Variants in KCNB2 observed in about 807,000 individuals in gnomAD.
KCNB2 encodes the protein potassium voltage-gated channel subfamily B member 2, also known as delayed rectifier potassium channel protein.
In KCNB2, 15 loss-of-function variants were observed where a neutral mutation model predicts 61.5. The ratio of observed to expected loss-of-function variants is 0.24; its 90% CI spans 0.16 to 0.38. KCNB2 has a LOEUF of 0.38. Among genes scored for constraint, KCNB2 ranks in the 10% least tolerant of loss-of-function variants. The pLI, the probability that KCNB2 is intolerant of heterozygous loss-of-function variation, is 1.00. For synonymous variants in KCNB2, 457 were observed against 446.0 expected, an observed-to-expected ratio of 1.02 and a Z score of -0.31; for missense variants, 828 against 1,125.2, an observed-to-expected ratio of 0.74 and a Z score of 3.78.
chr8:72,632,853 T>C (rs1805901909), intron 2 of KCNB2, among the ~76,000 whole-genome samples: 1 of 152,218 alleles, frequency 6.6e-6, no homozygotes, highest in African/African-American at 2.4e-5. Flanking sequence ...TTGTTAAACA[T>C]AACTTCCATG....
intron 1 of KCNB2, among the ~76,000 whole-genome samples, chr8:72,561,521 C>T (rs1287277852): frequency 1.3e-5 from 2 of 150,442 alleles, no homozygotes; most frequent in Non-Finnish European, 3.0e-5. Context: ...ATGTCACCTT[C>T]CACTTTCTAA....
At chr8:72,614,502 C>A (rs1805588626) in intron 2 of KCNB2, among the ~76,000 whole-genome samples, 1 of 152,124 alleles carries the variant, frequency 6.6e-6, no homozygotes, top group Non-Finnish European at 1.5e-5. Flanking sequence ...ATTGTTCTTA[C>A]AGTAAAATGA....
At chr8:72,796,758 CA>C (rs1292300114) in intron 2 of KCNB2, among the ~76,000 whole-genome samples, 1 of 152,104 alleles carries the variant, frequency 6.6e-6, no homozygotes, top group Non-Finnish European at 1.5e-5. Context: ...ATAAGCCAAA[CA>C]AATATTTTCG....
Position 72,936,021 on chromosome 8 carries a change from C to G in KCNB2, c.666C>G (p.Asp222Glu). The G allele has an allele frequency of 6.2e-7, 1 of 1,614,158 alleles. No individual in the cohort carries two copies. Among genetic ancestry groups the G allele is most frequent in the Non-Finnish European group, 8.5e-7 (1 of 1,180,026 alleles). The change falls in exon 3 of 3, where the codon GAC (aspartate) becomes GAG (glutamate). Residue 222 changes from aspartate (D) to glutamate (E), a missense_variant. Around this residue, in one of 4 missense-constraint regions of KCNB2, gnomAD observed 163 missense variants for 314.4 expected, o/e 0.52. Transcript: ENST00000523207. The surrounding 1 kb of genome is among the most constrained non-coding windows in gnomAD (Gnocchi z 5.6). ...CGCTGCCGGAGCTGCAGGAAACGGACGAATTTGGACAACTCAATGACAACC... is the reference window on the plus strand; with the variant it reads ...CGCTGCCGGAGCTGCAGGAAACGGAGGAATTTGGACAACTCAATGACAACC... ...LNTLPELQET[D>E]EFGQLNDNRQ... is the part of the protein sequence containing the mutation.
At position 72,616,167 on chromosome 8, in the gene KCNB2, T is replaced by C. The variant is rs187726365; in HGVS notation, c.579+47854T>C. Among the ~76,000 whole-genome samples the C allele has an allele frequency of 1.3e-3, 191 of 152,334 alleles. 2 individuals carry two copies. Among genetic ancestry groups the C allele is most frequent in the Non-Finnish European group, 9.1e-4 (62 of 68,022 alleles). ...GAAGGATTCCTTTTGAGTTTGCACA[T>C]TTTGTTGAAATTAAGTGGAGGGCCT... is the stretch of plus-strand genomic sequence containing the variant. On this transcript the variant is annotated intron_variant, in intron 2 of 2. Coordinates refer to ENST00000523207, the MANE Select transcript of KCNB2 (RefSeq NM_004770.3).
At chr8:72,599,493 A>C (rs1807255052) in intron 2 of KCNB2, among the ~76,000 whole-genome samples, 1 of 152,170 alleles carries the variant, frequency 6.6e-6, no homozygotes, top group Admixed American at 6.5e-5. Flanking sequence ...AACCATAAAA[A>C]CCCTAGAAGA....
chr8:72,725,018 T>C (rs1807609159), intron 2 of KCNB2, among the ~76,000 whole-genome samples: 1 of 152,174 alleles, frequency 6.6e-6, no homozygotes, highest in Non-Finnish European at 1.5e-5. Context: ...CACAAAATTG[T>C]TTTAAGGTTT....
At chr8:72,538,451 A>T (rs916841489) in intron 1 of KCNB2, among the ~76,000 whole-genome samples, 1 of 152,118 alleles carries the variant, frequency 6.6e-6, no homozygotes, top group African/African-American at 2.4e-5. Flanking sequence ...TTGCCTCATC[A>T]TTTGCTCCCG....
chr8:72,773,467 T>G (rs1052933166), intron 2 of KCNB2, among the ~76,000 whole-genome samples: 6 of 152,154 alleles, frequency 3.9e-5, no homozygotes, highest in African/African-American at 1.4e-4. Flanking sequence ...TGACTCAAAT[T>G]TGACCATTCA....
intron 2 of KCNB2, among the ~76,000 whole-genome samples, chr8:72,628,049 G>C (rs547964214): frequency 6.6e-6 from 1 of 152,178 alleles, no homozygotes; most frequent in African/African-American, 2.4e-5. Context: ...CACCTCCCAG[G>C]TTCAAACGAT....
intron 2 of KCNB2, among the ~76,000 whole-genome samples, chr8:72,707,660 A>G (rs1369977690): frequency 6.6e-6 from 1 of 152,152 alleles, no homozygotes; most frequent in Non-Finnish European, 1.5e-5. Flanking sequence ...GAACTCAAAA[A>G]CGAAAAGTGG....
chr8:72,836,930 A>G (rs2129002293), intron 2 of KCNB2, among the ~76,000 whole-genome samples: 1 of 152,326 alleles, frequency 6.6e-6, no homozygotes, highest in African/African-American at 2.4e-5. Context: ...ACAAACAAAC[A>G]AAATATTATC....
At chr8:72,765,044 G>C (rs1462191907) in intron 2 of KCNB2, among the ~76,000 whole-genome samples, 1 of 152,190 alleles carries the variant, frequency 6.6e-6, no homozygotes, top group Non-Finnish European at 1.5e-5. Context: ...GGAAGAGACT[G>C]ACATAACTCT....
intron 2 of KCNB2, among the ~76,000 whole-genome samples, chr8:72,633,324 T>C (rs917089041): frequency 1.3e-5 from 2 of 152,182 alleles, no homozygotes; most frequent in African/African-American, 4.8e-5. Flanking sequence ...GATCTTCTCA[T>C]GACTTCTGCC....
At chr8:72,805,536 G>C (rs1196349329) in intron 2 of KCNB2, among the ~76,000 whole-genome samples, 1 of 152,160 alleles carries the variant, frequency 6.6e-6, no homozygotes, top group Non-Finnish European at 1.5e-5. Context: ...TGTTCTCAAA[G>C]ATTATTCCTG....
At chr8:72,747,345 G>T (rs1043551248) in intron 2 of KCNB2, among the ~76,000 whole-genome samples, 2 of 152,194 alleles carry the variant, frequency 1.3e-5, no homozygotes, top group African/African-American at 4.8e-5. Context: ...CAGATGGACA[G>T]TGAGTGGCCC....
At chr8:72,811,268 A>AT (rs201695879) in intron 2 of KCNB2, among the ~76,000 whole-genome samples, 2,399 of 148,590 alleles carry the variant, frequency 0.016, 32 homozygotes, top group Middle Eastern at 0.094. Flanking sequence ...ATATGGTTTC[A>AT]TTTTTTTAAA....
chr8:72,926,755 G>A lies in KCNB2; in HGVS notation c.580-9180G>A, dbSNP rs191147946. Among the ~76,000 whole-genome samples, 36 of 152,218 alleles carry A rather than the reference G, an allele frequency of 2.4e-4. No homozygotes were observed. The South Asian group carries it at 6.0e-3, about 25-fold the overall frequency. The stretch of plus-strand genomic sequence containing the variant: ...TTCTATCTCCATAGCAAGCAGGGTC[G>A]AGATTCTACTTCATATATATTTGAA... On this transcript the variant is annotated intron_variant, in intron 2 of 2. Coordinates refer to ENST00000523207, the MANE Select transcript of KCNB2 (RefSeq NM_004770.3).
intron 2 of KCNB2, among the ~76,000 whole-genome samples, chr8:72,700,274 G>C (rs1023173528): frequency 8.6e-5 from 13 of 152,026 alleles, no homozygotes; most frequent in Non-Finnish European, 1.5e-5. Context: ...ATGATGAGTT[G>C]ATAGGTGCAG....
Sources: allele counts gnomAD v4.1 joint callset (sites outside exome capture counted in the v4.1 genomes callset), GRCh38; gene constraint gnomAD v4.1.1; regional missense constraint gnomAD v4.1.1; non-coding constraint Gnocchi (gnomAD v3.1); transcripts MANE v1.5; gene names NCBI Gene and HGNC (gene_info 2026-07-23, HGNC 2026-07-21).